Variants in DHRS12 observed in about 807,000 individuals in gnomAD.
The protein encoded by DHRS12 is dehydrogenase/reductase 12, also known as dehydrogenase/reductase SDR family member 12.
Under a neutral mutation model 32.1 loss-of-function variants are expected in DHRS12, and 29 were observed. The observed-to-expected ratio is 0.90, with a 90% CI of 0.67 to 1.23. The LOEUF (loss-of-function observed/expected upper bound fraction) is 1.23, where lower values mean the gene tolerates loss of function less well. Among genes scored for constraint, DHRS12 ranks in the 50% most tolerant of loss-of-function variants. The pLI is 0.00. For missense variants in DHRS12, 330 were observed against 337.2 expected (o/e 0.98, Z 0.17); for synonymous variants, 150 against 135.9 (o/e 1.10, Z -0.72).
rs542116851 is a variant in DHRS12 at position 51,782,038 on chromosome 13, G to C, written c.302-4917C>G. On this transcript the variant is annotated intron_variant, in intron 4 of 8. Coordinates refer to ENST00000444610, the MANE Select transcript of DHRS12 (RefSeq NM_001377533.1). This position sits in a 1 kb window ranked among gnomAD's most constrained non-coding sequence, Gnocchi z 4.2. Reference sequence around the variant, plus strand: ...CGTTGTGCAGAGAGTCCAAAGGCACGATCACTGCTTGGATATGAGAAGTGA... The same window carrying C: ...CGTTGTGCAGAGAGTCCAAAGGCACCATCACTGCTTGGATATGAGAAGTGA... 6.6e-6 allele frequency among the ~76,000 whole-genome samples: 1 copy of C among 152,106 alleles called. No individual in the cohort carries two copies. The highest frequency in any genetic ancestry group is 1.5e-5 in the Non-Finnish European group (1 of 68,002).
At chr13:51,760,798 CCTGTG>C in the DHRS12 span, 1 of 152,300 alleles carries the variant, frequency 6.6e-6, no homozygotes, top group East Asian at 1.9e-4. Context: ...AGTTTCTGCT[CCTGTG>C]AGAATCTGAC....
chr13:51,756,440 C>G, the DHRS12 span: 1 of 1,614,004 alleles, frequency 6.2e-7, no homozygotes, highest in Non-Finnish European at 8.5e-7. Context: ...TGACAGCTGC[C>G]ACGAGGCCAT....
chr13:51,791,923 AT>A (rs1391718958), intron 2 of DHRS12, among the ~76,000 whole-genome samples: 1 of 152,206 alleles, frequency 6.6e-6, no homozygotes, highest in African/African-American at 2.4e-5. Context: ...TCGTTGCAGG[AT>A]TTCTTTCCTT....
At chr13:51,760,817 A>C in the DHRS12 span, 1 of 152,480 alleles carries the variant, frequency 6.6e-6, no homozygotes, top group Middle Eastern at 3.4e-3. Flanking sequence ...ATCTGACGCC[A>C]CCGCTGATCT....
chr13:51,801,089 A>C (rs1290067237), intron 1 of DHRS12, among the ~76,000 whole-genome samples: 3 of 152,142 alleles, frequency 2.0e-5, no homozygotes, highest in African/African-American at 7.2e-5. Flanking sequence ...GCAGAAAGGG[A>C]ATAATAAGAG....
At chr13:51,778,009 C>G (rs1014947892) in intron 4 of DHRS12, among the ~76,000 whole-genome samples, 2 of 152,226 alleles carry the variant, frequency 1.3e-5, no homozygotes, top group African/African-American at 2.4e-5. Context: ...CATGGAGTCT[C>G]TGTGTGACCA....
chr13:51,777,010 A>T (rs373136489), intron 5 of DHRS12, 50 bp downstream of exon 5: 2 of 1,610,420 alleles, frequency 1.2e-6, no homozygotes, highest in Non-Finnish European at 1.7e-6. Context: ...CTGACTTCCC[A>T]TCAGGAGCAA....
intron 8 of DHRS12, chr13:51,768,589 C>T (rs1440791992): frequency 2.7e-5 from 34 of 1,241,710 alleles, no homozygotes; most frequent in East Asian, 1.1e-4. Flanking sequence ...GGGTCACCAG[C>T]GCTTCAGAAT....
chr13:51,785,507 A>G (rs1233453420), intron 4 of DHRS12, among the ~76,000 whole-genome samples: 7 of 152,202 alleles, frequency 4.6e-5, no homozygotes, highest in Admixed American at 1.3e-4. Context: ...GGTTAACTGG[A>G]TATCATGTCC....
the DHRS12 span, chr13:51,758,340 C>A: frequency 6.8e-7 from 1 of 1,464,712 alleles, no homozygotes; most frequent in Non-Finnish European, 9.5e-7. Context: ...CATCTTTGGC[C>A]TCATATAAAT....
Position 51,790,100 on chromosome 13 carries a change from TTA to T in DHRS12, c.220-10_220-9del. On this transcript the variant is annotated splice_polypyrimidine_tract_variant and intron_variant, in intron 3 of 8. Coordinates refer to ENST00000444610, the MANE Select transcript of DHRS12 (RefSeq NM_001377533.1). ...GCAACCTGCATTATTGATCTAAAAT[TTA>T]TAGTTCTCATTTCAAAATAAAGAAA... 6.4e-7 allele frequency: 1 copy of T among 1,569,124 alleles called. No individual in the cohort carries two copies. Among genetic ancestry groups the T allele is most frequent in the Non-Finnish European group, 8.6e-7 (1 of 1,164,550 alleles).
At chr13:51,794,795 T>G (rs535016914) in intron 2 of DHRS12, among the ~76,000 whole-genome samples, 111 of 146,066 alleles carry the variant, frequency 7.6e-4, no homozygotes, top group Middle Eastern at 3.6e-3. Context: ...AATAGAAGTT[T>G]TTTTTTTTTT....
At chr13:51,795,017 T>G (rs1288583980) in intron 2 of DHRS12, among the ~76,000 whole-genome samples, 2 of 152,146 alleles carry the variant, frequency 1.3e-5, no homozygotes, top group Non-Finnish European at 2.9e-5. Flanking sequence ...ACATAACCTC[T>G]CTGAAAGATC....
downstream of DHRS12, chr13:51,766,447 G>GAGAT (rs1953752922): frequency 6.6e-6 from 1 of 152,140 alleles, no homozygotes; most frequent in Non-Finnish European, 1.5e-5. Flanking sequence ...TTAAAGTGAG[G>GAGAT]AGATTCTTCA....
At position 51,769,256 on chromosome 13, in the gene DHRS12, G is replaced by C; in HGVS notation, c.597C>G (p.Phe199Leu). The change falls in exon 8 of 9, where the codon TTC becomes TTG. Residue 199 changes from phenylalanine (F) to leucine (L), a missense_variant. Transcript: ENST00000444610. ...RQAMPGFHAR[F>L]GDRLRSEAQG... The stretch of plus-strand genomic sequence containing the variant: ...GGGCCTCGGAGCGCAGGCGGTCCCC[G>C]AACCTGGCGTGGAACCCCGGCATCG... 1 of 1,589,052 alleles carries C rather than the reference G, an allele frequency of 6.3e-7. No homozygotes were observed. The highest frequency in any genetic ancestry group is 8.6e-7 in the Non-Finnish European group (1 of 1,167,986).
At chr13:51,791,122 G>A in intron 3 of DHRS12, 43 bp downstream of exon 3, 1 of 1,376,056 alleles carries the variant, frequency 7.3e-7, no homozygotes, top group Non-Finnish European at 1.0e-6. Flanking sequence ...GGAAACAATG[G>A]GCCAACATGA....
intron 1 of DHRS12, among the ~76,000 whole-genome samples, chr13:51,800,196 C>A (rs1955689335): frequency 6.6e-6 from 1 of 152,228 alleles, no homozygotes; most frequent in African/African-American, 2.4e-5. Context: ...GTGTGCACTG[C>A]ACAGCTCTAG....
intron 2 of DHRS12, among the ~76,000 whole-genome samples, chr13:51,791,544 G>A (rs1374057812): frequency 6.6e-6 from 1 of 152,010 alleles, no homozygotes. Context: ...TTCTACATCC[G>A]TGTTTTTCAC....
rs749097745 is a variant in DHRS12 at position 51,769,172 on chromosome 13, G to C, written c.681C>G (p.Ser227Arg). 1 of 1,551,792 alleles carries C rather than the reference G, an allele frequency of 6.4e-7. No individual in the cohort carries two copies. The highest frequency in any genetic ancestry group is 1.4e-5 in the African/African-American group (1 of 73,268). Residue 227 changes from serine (S) to arginine (R), a missense_variant, in exon 8 of 9, where the codon AGC becomes AGG. Ser to Arg is a moderately radical substitution (Grantham distance 110). Coordinates refer to ENST00000444610, the MANE Select transcript of DHRS12 (RefSeq NM_001377533.1). Reference sequence around the variant, plus strand: ...GGAAGTCACCTTGAAAGAAGCGGCCGCTGGGCTGTGCGGCTGCGGCAGAGG... The same window carrying C: ...GGAAGTCACCTTGAAAGAAGCGGCCCCTGGGCTGTGCGGCTGCGGCAGAGG... ...ALSSAAAAQPSGRFFQDRKPV... is the reference protein window; with the variant it reads ...ALSSAAAAQPRGRFFQDRKPV...
Sources: gnomAD v4.1 joint callset for allele counts (sites outside exome capture counted in the v4.1 genomes callset) on GRCh38, gnomAD v4.1.1 for gene constraint, Gnocchi (gnomAD v3.1) non-coding constraint, MANE v1.5 for transcripts, NCBI Gene and HGNC (gene_info 2026-07-23, HGNC 2026-07-21) for gene names.